Variants in ABCA13 observed in about 807,000 individuals in gnomAD.
The protein encoded by ABCA13 is ATP binding cassette subfamily A member 13.
Under a neutral mutation model 478.7 loss-of-function variants are expected in ABCA13, and 476 were observed. The ratio of observed to expected loss-of-function variants is 0.99; its 90% CI spans 0.92 to 1.07. ABCA13 has a LOEUF of 1.07. Ranked by LOEUF, ABCA13 falls within the 50% of genes least tolerant of loss-of-function variation. ABCA13 has a pLI of 0.00. For synonymous variants in ABCA13, 2,252 were observed against 2,158.9 expected, an observed-to-expected ratio of 1.04 and a Z score of -1.20; for missense variants, 6,060 against 5,910.6, an observed-to-expected ratio of 1.03 and a Z score of -0.83.
At position 48,473,126 on chromosome 7, in the gene ABCA13, G is replaced by A. The variant is rs769609137; in HGVS notation, c.12975+1527G>A. Reference sequence around the variant, plus strand: ...GTCACTACCATGAGAACAATAAGGGGGAACCACCCCCGTGTTCAGTTATCT... The same window carrying A: ...GTCACTACCATGAGAACAATAAGGGAGAACCACCCCCGTGTTCAGTTATCT... On this transcript the variant is annotated intron_variant, in intron 45 of 61. Transcript: ENST00000435803. Among the ~76,000 whole-genome samples, 23 of 152,228 alleles carry A rather than the reference G, an allele frequency of 1.5e-4. 1 individual carries two copies. The highest frequency in any genetic ancestry group is 1.2e-3 in the South Asian group (6 of 4,814).
intron 59 of ABCA13, among the ~76,000 whole-genome samples, chr7:48,635,564 G>T (rs1328148762): frequency 3.3e-5 from 5 of 152,142 alleles, no homozygotes; most frequent in African/African-American, 1.2e-4. Context: ...ATGAGCCTTT[G>T]TCTAATGAGG....
chr7:48,510,600 C>T (rs1037594656), intron 50 of ABCA13, among the ~76,000 whole-genome samples: 2 of 152,178 alleles, frequency 1.3e-5, no homozygotes, highest in Non-Finnish European at 2.9e-5. Flanking sequence ...GGCTGGGTAG[C>T]TTCACCCCGG....
At chr7:48,579,804 G>A (rs180877169) in intron 55 of ABCA13, among the ~76,000 whole-genome samples, 1 of 152,140 alleles carries the variant, frequency 6.6e-6, no homozygotes, top group Non-Finnish European at 1.5e-5. Context: ...TGGTGGACTA[G>A]GGTTGTCTCA....
At chr7:48,372,625 T>C in intron 33 of ABCA13, 128 bp downstream of exon 33, 1 of 791,710 alleles carries the variant, frequency 1.3e-6, no homozygotes, top group Non-Finnish European at 1.9e-6. Flanking sequence ...CTTTCTGATA[T>C]CTGCTTTTTA....
In ABCA13 at chr7:48,587,250, G is replaced by T; in HGVS notation, c.14602G>T (p.Ala4868Ser). Residue 4868 changes from alanine (A) to serine (S), a missense_variant, in exon 57 of 62, where the codon GCC becomes TCC. Coordinates refer to ENST00000435803, the MANE Select transcript of ABCA13 (RefSeq NM_152701.5). ...GGGAACCAAGCGGAAACTCTCTACA[G>T]CCCTGGCCCTGGTGGGGAAACCTGA... ...SGGTKRKLST[A>S]LALVGKPDIL... The T allele has an allele frequency of 6.2e-7, 1 of 1,611,250 alleles. No individual in the cohort carries two copies. The highest frequency in any genetic ancestry group is 8.5e-7 in the Non-Finnish European group (1 of 1,178,694).
chr7:48,483,944 G>T (rs952027995), intron 47 of ABCA13, among the ~76,000 whole-genome samples: 2 of 152,166 alleles, frequency 1.3e-5, no homozygotes, highest in African/African-American at 4.8e-5. Context: ...TTCTTATTAG[G>T]ATATCAGTAT....
At chr7:48,454,074 A>C (rs1825360262) in intron 42 of ABCA13, among the ~76,000 whole-genome samples, 1 of 152,210 alleles carries the variant, frequency 6.6e-6, no homozygotes, top group South Asian at 2.1e-4. Flanking sequence ...TGAGCAGTAC[A>C]ATCCGTTTAG....
chr7:48,404,991 C>A (rs1314736517), intron 39 of ABCA13, among the ~76,000 whole-genome samples: 1 of 152,238 alleles, frequency 6.6e-6, no homozygotes, highest in Non-Finnish European at 1.5e-5. Flanking sequence ...GTGCAGGCCA[C>A]ATCTGCGGTG....
intron 37 of ABCA13, among the ~76,000 whole-genome samples, chr7:48,391,443 A>G (rs1041162111): frequency 1.3e-5 from 2 of 152,310 alleles, no homozygotes; most frequent in East Asian, 3.9e-4. Flanking sequence ...TCATACAGCC[A>G]TTCTGCTTTT....
At chr7:48,527,899 A>T (rs1832985513) in intron 54 of ABCA13, among the ~76,000 whole-genome samples, 2 of 152,174 alleles carry the variant, frequency 1.3e-5, no homozygotes, top group South Asian at 4.1e-4. Context: ...TGACTTCCTA[A>T]GAATATTATA....
chr7:48,236,063 G>T (rs1217801798), intron 8 of ABCA13, among the ~76,000 whole-genome samples: 5 of 152,144 alleles, frequency 3.3e-5, no homozygotes, highest in Non-Finnish European at 7.3e-5. Flanking sequence ...TGATGAGGAT[G>T]TAACCTCATT....
chr7:48,334,410 C>T (rs1805895982), intron 27 of ABCA13, among the ~76,000 whole-genome samples: 1 of 151,460 alleles, frequency 6.6e-6, no homozygotes, highest in Non-Finnish European at 1.5e-5. Flanking sequence ...TCTTGGCTCA[C>T]TGCAAGCTCC....
chr7:48,587,291 G>T lies in ABCA13; in HGVS notation c.14640+3G>T. 6.2e-7 allele frequency: 1 copy of T among 1,600,194 alleles called. No individual in the cohort carries two copies. Among genetic ancestry groups the T allele is most frequent in the Non-Finnish European group, 8.5e-7 (1 of 1,172,622 alleles). The stretch of plus-strand genomic sequence containing the variant: ...GGAAACCTGACATTCTTTTATTGGT[G>T]AGTAGAAGAATGTCAATATCTTGGA... On this transcript the variant is annotated splice_donor_region_variant and intron_variant, in intron 57 of 61. Coordinates refer to ENST00000435803, the MANE Select transcript of ABCA13 (RefSeq NM_152701.5).
intron 42 of ABCA13, among the ~76,000 whole-genome samples, chr7:48,449,913 T>A (rs111630057): frequency 2.0e-5 from 3 of 152,200 alleles, no homozygotes; most frequent in Non-Finnish European, 4.4e-5. Context: ...GTCACAAACA[T>A]GTTTTTATTT....
At chr7:48,593,203 A>T (rs1789934647) in intron 57 of ABCA13, among the ~76,000 whole-genome samples, 3 of 137,912 alleles carry the variant, frequency 2.2e-5, no homozygotes, top group East Asian at 2.1e-4. Context: ...TTGTGTTGGT[A>T]TGTTGGTATG....
chr7:48,589,163 G>A (rs374032275), intron 57 of ABCA13, among the ~76,000 whole-genome samples: 62 of 152,272 alleles, frequency 4.1e-4, no homozygotes, highest in African/African-American at 1.4e-3. Context: ...CTCTAGAAGT[G>A]GTTCATATAA....
chr7:48,493,738 C>A (rs1346789020), intron 48 of ABCA13, among the ~76,000 whole-genome samples: 3 of 152,316 alleles, frequency 2.0e-5, no homozygotes, highest in African/African-American at 7.2e-5. Context: ...ACATTGGAAT[C>A]ACTTAAGCAT....
intron 9 of ABCA13, among the ~76,000 whole-genome samples, chr7:48,240,147 A>G (rs930984160): frequency 6.6e-6 from 1 of 152,214 alleles, no homozygotes; most frequent in Non-Finnish European, 1.5e-5. Context: ...AAAGGCCAAA[A>G]TCTCAAATGG....
Position 48,269,221 on chromosome 7 carries a change from A to G in ABCA13, c.2120+127A>G, listed in dbSNP as rs1046305509. 1.2e-5 allele frequency: 7 copies of G among 590,686 alleles called. No homozygotes were observed. The African/African-American group carries it at 1.3e-4, about 11-fold the overall frequency. 36.6% of individuals were successfully genotyped at this position (590,686 alleles called of 1,614,324 possible). On this transcript the variant is annotated intron_variant, in intron 16 of 61. Transcript: ENST00000435803. ...GATTTAGATATTGACACAATCTTTC[A>G]TATGAGCTGTTCAATAAATATTCCT...
Sources: gnomAD v4.1 joint callset for allele counts (sites outside exome capture counted in the v4.1 genomes callset) on GRCh38, gnomAD v4.1.1 for gene constraint, MANE v1.5 for transcripts, NCBI Gene and HGNC (gene_info 2026-07-23, HGNC 2026-07-21) for gene names.